The following LPP variants were observed in gnomAD, a reference collection of about 807,000 sequenced individuals.
LPP encodes the protein LIM domain containing preferred translocation partner in lipoma.
In LPP, 38 loss-of-function variants were observed where a neutral mutation model predicts 60.4. The observed-to-expected ratio is 0.63, with a 90% confidence interval of 0.49 to 0.83. LPP has a LOEUF of 0.83. LPP is among the 40% of genes least tolerant of loss of function. The pLI, the probability that LPP is intolerant of heterozygous loss-of-function variation, is 0.00. For missense variants in LPP, 902 were observed against 783.6 expected, an observed-to-expected ratio of 1.15 and a Z score of -1.80; for synonymous variants, 328 against 290.8, an observed-to-expected ratio of 1.13 and a Z score of -1.30.
At chr3:188,165,673 G>C (rs1342986698) in intron 1 of LPP, among the ~76,000 whole-genome samples, 3 of 152,192 alleles carry the variant, frequency 2.0e-5, no homozygotes, top group Non-Finnish European at 4.4e-5. Context: ...TTGAAGGCAA[G>C]GGTGCTAGAG....
chr3:188,702,241 C>A (rs1864609724), intron 7 of LPP, among the ~76,000 whole-genome samples: 1 of 152,138 alleles, frequency 6.6e-6, no homozygotes, highest in Non-Finnish European at 1.5e-5. Context: ...TAGGCGTAAG[C>A]CACCACGCCC....
chr3:188,806,813 T>C (rs1353003318), intron 9 of LPP, among the ~76,000 whole-genome samples: 2 of 151,932 alleles, frequency 1.3e-5, no homozygotes, highest in African/African-American at 4.8e-5. Flanking sequence ...ATTGTTACTC[T>C]CAATTTACTT....
intron 6 of LPP, chr3:188,568,001 A>T (rs1035041571): frequency 1.3e-4 from 19 of 151,962 alleles, no homozygotes; most frequent in African/African-American, 4.3e-4. Flanking sequence ...ATTCTTTGTG[A>T]TCCTATTTGC....
At chr3:188,641,319 TAGAGA>T (rs537892831) in intron 7 of LPP, among the ~76,000 whole-genome samples, 16 of 152,326 alleles carry the variant, frequency 1.1e-4, no homozygotes, top group African/African-American at 3.6e-4. Flanking sequence ...TAGAAGTGGT[TAGAGA>T]AGAGGACACA....
chr3:188,730,307 G>T (rs1719974122), intron 8 of LPP, among the ~76,000 whole-genome samples: 1 of 152,132 alleles, frequency 6.6e-6, no homozygotes, highest in South Asian at 2.1e-4. Context: ...AGCAAATGGT[G>T]CCCAGATTGA....
chr3:188,188,283 G>A (rs1331976067), intron 1 of LPP, among the ~76,000 whole-genome samples: 1 of 152,108 alleles, frequency 6.6e-6, no homozygotes, highest in African/African-American at 2.4e-5. Context: ...GTAAGAATTG[G>A]GAGGGGAGTA....
intron 6 of LPP, among the ~76,000 whole-genome samples, chr3:188,569,627 C>G (rs1168749859): frequency 6.6e-6 from 1 of 151,888 alleles, no homozygotes; most frequent in Admixed American, 6.6e-5. Context: ...AATGATGTAG[C>G]CTGTCATTTC....
chr3:188,528,463 T>G (rs543534709), intron 6 of LPP, among the ~76,000 whole-genome samples: 52 of 152,282 alleles, frequency 3.4e-4, no homozygotes, highest in Admixed American at 7.2e-4. Flanking sequence ...CCTTTATTCT[T>G]GAAGGTTGTG....
At chr3:188,293,894 C>T (rs373801684) in intron 2 of LPP, among the ~76,000 whole-genome samples, 4 of 151,582 alleles carry the variant, frequency 2.6e-5, no homozygotes, top group Non-Finnish European at 5.9e-5. Flanking sequence ...GTGAAACCCC[C>T]GTCTCTACTA....
intron 4 of LPP, among the ~76,000 whole-genome samples, chr3:188,432,917 A>T (rs1265282949): frequency 3.3e-5 from 5 of 152,156 alleles, no homozygotes; most frequent in African/African-American, 1.2e-4. Context: ...TTTAGCAAAC[A>T]TCCATTAAGT....
intron 5 of LPP, among the ~76,000 whole-genome samples, chr3:188,509,183 A>G (rs1414333212): frequency 6.6e-6 from 1 of 152,196 alleles, no homozygotes; most frequent in Non-Finnish European, 1.5e-5. Flanking sequence ...TAACACACCA[A>G]GTATAATCCT....
chr3:188,615,847 CTT>C (rs1580419473), intron 7 of LPP, among the ~76,000 whole-genome samples: 1 of 152,128 alleles, frequency 6.6e-6, no homozygotes, highest in Non-Finnish European at 1.5e-5. Context: ...TGATGTTGAA[CTT>C]TTTTTCATAT....
At chr3:188,327,211 C>A (rs1002661072) in intron 2 of LPP, among the ~76,000 whole-genome samples, 4 of 152,140 alleles carry the variant, frequency 2.6e-5, no homozygotes, top group African/African-American at 9.7e-5. Context: ...GATACTTTCG[C>A]TTCTCTATTT....
intron 2 of LPP, among the ~76,000 whole-genome samples, chr3:188,267,411 GT>G (rs1735965671): frequency 6.6e-6 from 1 of 152,186 alleles, no homozygotes; most frequent in Non-Finnish European, 1.5e-5. Context: ...GTTTTCAGAT[GT>G]TTCTTCTTCA....
At chr3:188,618,609 C>T (rs1005469076) in intron 7 of LPP, among the ~76,000 whole-genome samples, 7 of 152,128 alleles carry the variant, frequency 4.6e-5, no homozygotes, top group African/African-American at 1.7e-4. Flanking sequence ...TCCTTTGGCG[C>T]AGAGTTTAGA....
chr3:188,867,718 G>C (rs1767037907), intron 10 of LPP, among the ~76,000 whole-genome samples: 1 of 152,212 alleles, frequency 6.6e-6, no homozygotes, highest in South Asian at 2.1e-4. Flanking sequence ...TCAGGTTTCT[G>C]TATGTGTTTG....
At chr3:188,608,662 G>A (rs1349509066) in intron 6 of LPP, among the ~76,000 whole-genome samples, 1 of 152,072 alleles carries the variant, frequency 6.6e-6, no homozygotes, top group Non-Finnish European at 1.5e-5. Context: ...GGTCTTTTGT[G>A]GTTCCATGTG....
intron 2 of LPP, among the ~76,000 whole-genome samples, chr3:188,292,327 T>C: frequency 6.6e-6 from 1 of 152,238 alleles, no homozygotes; most frequent in Non-Finnish European, 1.5e-5. Flanking sequence ...AAGTTCTCAT[T>C]AAGCATATCA....
At chr3:188,271,640 G>T (rs554092335) in intron 2 of LPP, among the ~76,000 whole-genome samples, 3 of 152,288 alleles carry the variant, frequency 2.0e-5, no homozygotes, top group Admixed American at 2.0e-4. Context: ...GTCTTTATGG[G>T]TTCTGTAGTC....
Sources: allele counts gnomAD v4.1 joint callset (sites outside exome capture counted in the v4.1 genomes callset), GRCh38; gene constraint gnomAD v4.1.1; transcripts MANE v1.5; gene names NCBI Gene and HGNC (gene_info 2026-07-23, HGNC 2026-07-21).